The following PTPRN2 variants were observed in gnomAD, a reference collection of about 807,000 sequenced individuals.
PTPRN2 encodes the protein protein tyrosine phosphatase receptor type N2.
In PTPRN2, 74 loss-of-function variants were observed where a neutral mutation model predicts 118.8. The ratio of observed to expected loss-of-function variants is 0.62; its 90% CI spans 0.52 to 0.76. The LOEUF (loss-of-function observed/expected upper bound fraction) is 0.76. PTPRN2 is among the 30% of genes least tolerant of loss of function. The pLI is 0.00. For synonymous variants in PTPRN2, 641 were observed against 608.0 expected (o/e 1.05, Z -0.80); for missense variants, 1,481 against 1,394.4 (o/e 1.06, Z -0.99).
At chr7:157,842,569 C>T (rs1186346140) in intron 12 of PTPRN2, among the ~76,000 whole-genome samples, 2 of 152,064 alleles carry the variant, frequency 1.3e-5, no homozygotes. Context: ...CAGGCACCAC[C>T]ATGCCCAGCT....
intron 14 of PTPRN2, among the ~76,000 whole-genome samples, chr7:157,646,962 T>A (rs1283902671): frequency 6.8e-6 from 1 of 146,536 alleles, no homozygotes; most frequent in Non-Finnish European, 1.5e-5. Context: ...CTGAACTCGG[T>A]GGGTTGGACC....
intron 3 of PTPRN2, among the ~76,000 whole-genome samples, chr7:158,282,743 A>C (rs978829796): frequency 2.7e-5 from 4 of 150,414 alleles, no homozygotes; most frequent in Non-Finnish European, 5.9e-5. Flanking sequence ...CAGCAGCCAG[A>C]CACAGACGGC....
At position 157,845,220 on chromosome 7, in the gene PTPRN2, T is replaced by C. The variant is rs2151192395; in HGVS notation, c.1788+53453A>G. 6.6e-6 allele frequency among the ~76,000 whole-genome samples: 1 copy of C among 152,302 alleles called. No individual in the cohort carries two copies. The highest frequency in any genetic ancestry group is 1.5e-5 in the Non-Finnish European group (1 of 68,026). ...AAGATACACAGGCTAATGTAATGAA[T>C]ACACTAGCACCCTTAGCCAGCTGTA... On this transcript the variant is annotated intron_variant, in intron 12 of 22. Coordinates refer to ENST00000389418, the MANE Select transcript of PTPRN2 (RefSeq NM_002847.5). The surrounding 1 kb of genome is among the most constrained non-coding windows in gnomAD (Gnocchi z 4.5).
intron 10 of PTPRN2, among the ~76,000 whole-genome samples, chr7:158,105,643 G>A (rs947998442): frequency 6.1e-5 from 9 of 148,248 alleles, no homozygotes; most frequent in Non-Finnish European, 1.0e-4. Context: ...CTTCCATCCA[G>A]ATTCATCAAC....
rs1348788867 is a variant in PTPRN2 at position 157,808,830 on chromosome 7, AC to A, written c.1788+89842del. Among the ~76,000 whole-genome samples, 1 of 152,068 alleles carries A rather than the reference AC, an allele frequency of 6.6e-6. No homozygotes were observed. The highest frequency in any genetic ancestry group is 2.4e-5 in the African/African-American group (1 of 41,404). Reference sequence around the variant, plus strand: ...GGGCCTGGAATTGACCTTGTTGAAAACACTCTTTTGGATTAAGCATCTATAA... The same window carrying A: ...GGGCCTGGAATTGACCTTGTTGAAAAACTCTTTTGGATTAAGCATCTATAA... On this transcript the variant is annotated intron_variant, in intron 12 of 22. Coordinates refer to ENST00000389418, the MANE Select transcript of PTPRN2 (RefSeq NM_002847.5). This position sits in a 1 kb window ranked among gnomAD's most constrained non-coding sequence, Gnocchi z 5.0.
chr7:157,666,613 A>G (rs1796148883), intron 13 of PTPRN2, among the ~76,000 whole-genome samples: 1 of 152,154 alleles, frequency 6.6e-6, no homozygotes, highest in Non-Finnish European at 1.5e-5. Flanking sequence ...GAGGCTGAGG[A>G]CCAGGACTCT....
chr7:158,406,286 C>T (rs375237230), intron 2 of PTPRN2, among the ~76,000 whole-genome samples: 4,900 of 50,420 alleles, frequency 0.097, 179 homozygotes, highest in Non-Finnish European at 0.12. Flanking sequence ...ACTGAGATCC[C>T]GGTGGCTCAT....
At chr7:158,449,443 C>G (rs747350471) in intron 2 of PTPRN2, among the ~76,000 whole-genome samples, 4 of 152,222 alleles carry the variant, frequency 2.6e-5, no homozygotes, top group Non-Finnish European at 5.9e-5. Context: ...GGACGATGCA[C>G]AGATTCCCAC....
In PTPRN2 at chr7:158,415,965, T is replaced by C. The variant is rs566729635; in HGVS notation, c.163+73770A>G. Among the ~76,000 whole-genome samples, 6 of 152,306 alleles carry C rather than the reference T, an allele frequency of 3.9e-5. No homozygotes were observed. In the South Asian group the frequency reaches 1.0e-3, roughly 26 times the overall value. On this transcript the variant is annotated intron_variant, in intron 2 of 22. Coordinates refer to ENST00000389418, the MANE Select transcript of PTPRN2 (RefSeq NM_002847.5). Reference sequence around the variant, plus strand: ...CTGTGGCTGGGGCTCCACATCCCCATGACGTGTCTGGTGGCAGCCACCACA... The same window carrying C: ...CTGTGGCTGGGGCTCCACATCCCCACGACGTGTCTGGTGGCAGCCACCACA...
intron 5 of PTPRN2, among the ~76,000 whole-genome samples, chr7:158,190,056 A>G (rs192369013): frequency 1.4e-4 from 22 of 152,380 alleles, no homozygotes; most frequent in Admixed American, 4.6e-4. Flanking sequence ...AGCCTGGTTC[A>G]GACTCTCAAC....
chr7:157,628,589 C>T (rs1803741874), intron 14 of PTPRN2, among the ~76,000 whole-genome samples: 2 of 152,354 alleles, frequency 1.3e-5, no homozygotes, highest in South Asian at 4.1e-4. Context: ...CAAGTCAGGC[C>T]ATCTGACTGA....
chr7:157,822,757 T>C (rs558878691), intron 12 of PTPRN2, among the ~76,000 whole-genome samples: 1 of 151,900 alleles, frequency 6.6e-6, no homozygotes, highest in African/African-American at 2.4e-5. Context: ...CCATCATCCA[T>C]GCGTACATGC....
intron 3 of PTPRN2, among the ~76,000 whole-genome samples, chr7:158,256,372 AGAG>A (rs1429871748): frequency 6.6e-6 from 1 of 152,158 alleles, no homozygotes; most frequent in Non-Finnish European, 1.5e-5. Context: ...CCTCACTCTG[AGAG>A]GAGTTGTCAC....
intron 3 of PTPRN2, among the ~76,000 whole-genome samples, chr7:158,240,963 A>T (rs71545575): frequency 0.088 from 13,398 of 152,240 alleles, 625 homozygotes; most frequent in East Asian, 0.15. Flanking sequence ...CCCAGGAACC[A>T]TGTCAGGAGC....
rs150079539 is a variant in PTPRN2, at chr7:158,081,497, G to A, written c.1644-120C>T. 95 of 909,934 alleles carry A rather than the reference G, an allele frequency of 1.0e-4. No homozygotes were observed. In the East Asian group the frequency reaches 2.4e-3, roughly 23 times the overall value. 56.4% of individuals were successfully genotyped at this position (909,934 alleles called of 1,614,324 possible). ...AACGCAAACATCCAAGGCCGCTGTG[G>A]CTCCAGGCGTCGACTCCACTGGACG... is the stretch of plus-strand genomic sequence containing the variant. On this transcript the variant is annotated intron_variant, in intron 10 of 22. Coordinates refer to ENST00000389418, the MANE Select transcript of PTPRN2 (RefSeq NM_002847.5).
At chr7:158,583,771 G>C (rs1048174156) in intron 1 of PTPRN2, among the ~76,000 whole-genome samples, 1 of 152,136 alleles carries the variant, frequency 6.6e-6, no homozygotes, top group Non-Finnish European at 1.5e-5. Context: ...GATGGAGACC[G>C]AGCAGGAGAG....
In PTPRN2 at chr7:158,517,902, C is replaced by T. The variant is rs371752338; in HGVS notation, c.113-28117G>A. ...CACTGCAGAAAAACCTTCCCTCCCC[C>T]CCAGTCTGACTAGAGTCCACTCATT... On this transcript the variant is annotated intron_variant, in intron 1 of 22. Coordinates refer to ENST00000389418, the MANE Select transcript of PTPRN2 (RefSeq NM_002847.5). The surrounding 1 kb of genome is among the most constrained non-coding windows in gnomAD (Gnocchi z 5.3). 6.8e-4 allele frequency among the ~76,000 whole-genome samples: 103 copies of T among 152,348 alleles called. 1 individual carries two copies. The South Asian group carries it at 0.02, about 30-fold the overall frequency.
At chr7:157,642,897 C>T (rs187844285) in intron 14 of PTPRN2, among the ~76,000 whole-genome samples, 5 of 147,168 alleles carry the variant, frequency 3.4e-5, no homozygotes, top group Non-Finnish European at 5.9e-5. Flanking sequence ...CTAAGCCAAT[C>T]GCCCCGGCAG....
At position 158,243,718 on chromosome 7, in the gene PTPRN2, A is replaced by C. The variant is rs532139323; in HGVS notation, c.278-38445T>G. Among the ~76,000 whole-genome samples, 41 of 152,170 alleles carry C rather than the reference A, an allele frequency of 2.7e-4. 1 individual carries two copies. The highest frequency in any genetic ancestry group is 1.1e-3 in the Admixed American group (17 of 15,292). On this transcript the variant is annotated intron_variant, in intron 3 of 22. Coordinates refer to ENST00000389418, the MANE Select transcript of PTPRN2 (RefSeq NM_002847.5). ...AGTGCTAAGTACTAAGTACCTCCTAAGTTGTAGTCTCTGCTTAGTACTAGG... is the reference window on the plus strand; with the variant it reads ...AGTGCTAAGTACTAAGTACCTCCTACGTTGTAGTCTCTGCTTAGTACTAGG...
Sources: gnomAD v4.1 joint callset for allele counts (sites outside exome capture counted in the v4.1 genomes callset) on GRCh38, gnomAD v4.1.1 for gene constraint, Gnocchi (gnomAD v3.1) non-coding constraint, MANE v1.5 for transcripts, NCBI Gene and HGNC (gene_info 2026-07-23, HGNC 2026-07-21) for gene names.